FCHO2: variants seen among roughly 807,000 people sequenced by gnomAD.
FCHO2 encodes the protein FCH and mu domain containing endocytic adaptor 2.
In FCHO2, 43 loss-of-function variants were observed where a neutral mutation model predicts 114.1. That is an observed-to-expected ratio of 0.38 (90% CI 0.30 to 0.49). The LOEUF is 0.49. Among genes scored for constraint, FCHO2 ranks in the 20% least tolerant of loss-of-function variants. The pLI, the probability that FCHO2 is intolerant of heterozygous loss-of-function variation, is 0.97. For missense variants in FCHO2, 807 were observed against 950.4 expected (o/e 0.85, Z 1.98); for synonymous variants, 293 against 315.2 (o/e 0.93, Z 0.75).
At chr5:73,055,178 A>G (rs1757533225) in intron 15 of FCHO2, 4 of 246,822 alleles carry the variant, frequency 1.6e-5, no homozygotes, top group South Asian at 4.3e-5. Context: ...TTTTATCTTT[A>G]AAGAAATGTT....
intron 6 of FCHO2, among the ~76,000 whole-genome samples, chr5:73,008,614 A>G (rs1754839469): frequency 6.6e-6 from 1 of 152,172 alleles, no homozygotes; most frequent in Non-Finnish European, 1.5e-5. Context: ...GGAGGAGCCA[A>G]GTAATCTGGG....
chr5:73,017,924 C>G (rs1489866577), intron 8 of FCHO2, among the ~76,000 whole-genome samples: 4 of 152,078 alleles, frequency 2.6e-5, no homozygotes, highest in African/African-American at 9.7e-5. Context: ...TTTTAATTGG[C>G]ATGTTATGAT....
chr5:73,021,623 C>T (rs1755630878), intron 8 of FCHO2, among the ~76,000 whole-genome samples: 1 of 152,074 alleles, frequency 6.6e-6, no homozygotes, highest in Non-Finnish European at 1.5e-5. Context: ...TATCTTTCTC[C>T]ATCAAAAGTG....
rs1420319229 is a variant in FCHO2, at chr5:73,074,801, G to C, written c.1639G>C (p.Val547Leu). The change falls in exon 20 of 26, where the codon GTT becomes CTT. Residue 547 changes from valine (V) to leucine (L), a missense_variant. By Grantham distance (32) the Val-to-Leu change is conservative. Transcript: ENST00000430046. ...LGNQDTLPVA[V>L]ALTESVNAYF... ...AAATCAGGATACCTTACCTGTGGCA[G>C]TTGCCCTTACAGAATCTGTTAATGC... 3.7e-6 allele frequency: 6 copies of C among 1,612,956 alleles called. No homozygotes were observed. Among genetic ancestry groups the C allele is most frequent in the Non-Finnish European group, 5.1e-6 (6 of 1,179,476 alleles).
chr5:72,996,911 G>A (rs1369453016), intron 5 of FCHO2: 4 of 1,576,650 alleles, frequency 2.5e-6, no homozygotes, highest in African/African-American at 1.3e-5. Flanking sequence ...CAGTGCCAGG[G>A]TCATCAGGAT....
At chr5:72,981,804 C>T (rs1182190898) in intron 2 of FCHO2, among the ~76,000 whole-genome samples, 4 of 152,272 alleles carry the variant, frequency 2.6e-5, no homozygotes, top group Non-Finnish European at 4.4e-5. Flanking sequence ...ATCAGGTCAT[C>T]TATGTTCTTC....
intron 11 of FCHO2, among the ~76,000 whole-genome samples, chr5:73,042,644 C>A (rs778389866): frequency 4.6e-5 from 7 of 151,888 alleles, no homozygotes; most frequent in South Asian, 2.1e-4. Context: ...AGAAAAAATA[C>A]GTTATAAAAG....
At position 73,010,875 on chromosome 5, in the gene FCHO2, C is replaced by CAAAAAA. The variant is rs57820498; in HGVS notation, c.600+4348_600+4353dup. On this transcript the variant is annotated intron_variant, in intron 6 of 25. Transcript: ENST00000430046. ...TGGGTGACAGAGTGAGACTCTGTCT[C>CAAAAAA]AAAAAAAAAAAAAAAAAAAAAAAAA... Among the ~76,000 whole-genome samples the CAAAAAA allele has an allele frequency of 4.7e-3, 121 of 25,750 alleles. 6 individuals carry two copies. Among genetic ancestry groups the CAAAAAA allele is most frequent in the African/African-American group, 0.013 (111 of 8,296 alleles). The allele number at this position is 25,750 out of a possible 152,430, so 16.9% of individuals were successfully genotyped here.
chr5:73,080,297 T>TCC (rs1743049388), intron 22 of FCHO2, among the ~76,000 whole-genome samples: 1 of 152,240 alleles, frequency 6.6e-6, no homozygotes, highest in African/African-American at 2.4e-5. Context: ...TTATCCAGTA[T>TCC]TAAGAAGGTT....
At chr5:72,975,141 T>C (rs1752787121) in intron 2 of FCHO2, among the ~76,000 whole-genome samples, 1 of 152,196 alleles carries the variant, frequency 6.6e-6, no homozygotes, top group African/African-American at 2.4e-5. Flanking sequence ...TTACATCACC[T>C]ATCTCTTTGT....
At chr5:72,972,088 G>A (rs1445346291) in intron 2 of FCHO2, among the ~76,000 whole-genome samples, 1 of 152,062 alleles carries the variant, frequency 6.6e-6, no homozygotes, top group Non-Finnish European at 1.5e-5. Flanking sequence ...GTACCATGCT[G>A]TTTTGGTTAC....
chr5:72,998,474 G>GAA (rs1346766115), intron 5 of FCHO2, among the ~76,000 whole-genome samples: 1 of 151,510 alleles, frequency 6.6e-6, no homozygotes, highest in African/African-American at 2.4e-5. Flanking sequence ...GCAACAGAGC[G>GAA]AAACTCCGTC....
At chr5:73,085,509 T>C (rs910217093) in intron 24 of FCHO2, among the ~76,000 whole-genome samples, 1 of 151,442 alleles carries the variant, frequency 6.6e-6, no homozygotes. Flanking sequence ...GCATGGTGGC[T>C]CATTCCTGCA....
At chr5:72,993,665 CT>C (rs1214714131) in intron 5 of FCHO2, among the ~76,000 whole-genome samples, 15 of 152,228 alleles carry the variant, frequency 9.9e-5, no homozygotes, top group Admixed American at 2.6e-4. Context: ...GTTGAATTGC[CT>C]GTACAAACTT....
chr5:73,079,831 T>G (rs1193275533), intron 22 of FCHO2, among the ~76,000 whole-genome samples: 1 of 152,200 alleles, frequency 6.6e-6, no homozygotes, highest in African/African-American at 2.4e-5. Flanking sequence ...ATGCACAGAT[T>G]AGTATATACA....
rs200237241 is a variant in FCHO2, at chr5:73,087,669, G to A, written c.2326G>A (p.Glu776Lys). The change falls in exon 25 of 26, where the codon GAG becomes AAG. Residue 776 changes from glutamate (E) to lysine (K), a missense_variant. Transcript: ENST00000430046. ...PTTLAVQFLS[E>K]GSTLSGVDFE... ...GACACTTGCAGTACAATTCCTCAGC[G>A]AGGGAAGTACCCTTTCAGGAGTAGA... 3 of 1,613,892 alleles carry A rather than the reference G, an allele frequency of 1.9e-6. No homozygotes were observed. The highest frequency in any genetic ancestry group is 2.2e-5 in the South Asian group (2 of 91,056).
At chr5:72,992,965 T>TA (rs76660943) in intron 5 of FCHO2, among the ~76,000 whole-genome samples, 226 of 133,344 alleles carry the variant, frequency 1.7e-3, no homozygotes, top group East Asian at 2.9e-3. Context: ...GAGGGCAAAA[T>TA]AAAAAAAAAA....
At chr5:73,022,323 G>A (rs1755671045) in intron 8 of FCHO2, among the ~76,000 whole-genome samples, 1 of 152,146 alleles carries the variant, frequency 6.6e-6, no homozygotes, top group Non-Finnish European at 1.5e-5. Context: ...ACACTAGAGA[G>A]TAATTGGAAC....
At chr5:72,960,265 T>C (rs1270704336) in intron 1 of FCHO2, among the ~76,000 whole-genome samples, 1 of 152,196 alleles carries the variant, frequency 6.6e-6, no homozygotes, top group Non-Finnish European at 1.5e-5. Context: ...CAATTGAAAC[T>C]ATATGCTAAA....
Sources: gnomAD v4.1 joint callset for allele counts (sites outside exome capture counted in the v4.1 genomes callset) on GRCh38, gnomAD v4.1.1 for gene constraint, MANE v1.5 for transcripts, NCBI Gene and HGNC (gene_info 2026-07-23, HGNC 2026-07-21) for gene names.